The following UTRN variants were observed in gnomAD, a reference collection of about 807,000 sequenced individuals.
UTRN encodes dystrophin-related protein 1.
In UTRN, 283 loss-of-function variants were observed where a neutral mutation model predicts 463.9. That is an observed-to-expected ratio of 0.61 (90% CI 0.55 to 0.67). UTRN has a LOEUF of 0.67. UTRN is among the 30% of genes least tolerant of loss of function. UTRN has a pLI of 0.00. For synonymous variants in UTRN, 1,442 were observed against 1,431.5 expected, an observed-to-expected ratio of 1.01 and a Z score of -0.17; for missense variants, 3,922 against 4,084.3, an observed-to-expected ratio of 0.96 and a Z score of 1.08.
chr6:144,757,148 C>T (rs1476301132), intron 57 of UTRN, among the ~76,000 whole-genome samples: 1 of 147,572 alleles, frequency 6.8e-6, no homozygotes, highest in Non-Finnish European at 1.5e-5. Context: ...ACTAAATTCA[C>T]ATGTACTATT....
chr6:144,422,448 C>T (rs1349155270), intron 4 of UTRN, among the ~76,000 whole-genome samples: 1 of 152,208 alleles, frequency 6.6e-6, no homozygotes, highest in African/African-American at 2.4e-5. Context: ...GAAACCCCAT[C>T]TCTACTAAAA....
At chr6:144,373,282 G>A (rs1780166469) in intron 2 of UTRN, among the ~76,000 whole-genome samples, 1 of 152,084 alleles carries the variant, frequency 6.6e-6, no homozygotes, top group Non-Finnish European at 1.5e-5. Flanking sequence ...CCCATCAGCC[G>A]ACGAATGGAT....
At chr6:144,679,589 C>A (rs1039152705) in intron 52 of UTRN, among the ~76,000 whole-genome samples, 1 of 152,100 alleles carries the variant, frequency 6.6e-6, no homozygotes, top group Non-Finnish European at 1.5e-5. Context: ...AAATATTTAA[C>A]ACTCATGATT....
chr6:144,792,039 T>C (rs1337909271), intron 62 of UTRN, among the ~76,000 whole-genome samples: 1 of 152,228 alleles, frequency 6.6e-6, no homozygotes, highest in Admixed American at 6.5e-5. Flanking sequence ...GTCTTATTGT[T>C]TTTAATGGAA....
chr6:144,840,983 A>G, intron 73 of UTRN, 151 bp downstream of exon 73: 1 of 835,828 alleles, frequency 1.2e-6, no homozygotes, highest in South Asian at 1.9e-5. Flanking sequence ...AACATTATAT[A>G]AGAAAATGAA....
Position 144,531,093 on chromosome 6 carries a change from G to A in UTRN, c.5948G>A (p.Cys1983Tyr), listed in dbSNP as rs1416438612. ...RAMEEWRQFH[C>Y]DLNDLTQWIT... is the part of the protein sequence containing the mutation. ...ATGGAAGAATGGAGACAGTTCCATTGTGACCTTAATGACCTCACACAGTGG... is the reference window on the plus strand; with the variant it reads ...ATGGAAGAATGGAGACAGTTCCATTATGACCTTAATGACCTCACACAGTGG... The change falls in exon 42 of 75, where the codon TGT becomes TAT. Residue 1983 changes from cysteine to tyrosine, a missense_variant. Cys to Tyr is a radical substitution (Grantham distance 194). Around this residue, in one of 3 missense-constraint regions of UTRN, gnomAD observed 2,349 missense variants for 2,303.8 expected, o/e 1.02. Coordinates refer to ENST00000367545, the MANE Select transcript of UTRN (RefSeq NM_007124.3). 6.2e-7 allele frequency: 1 copy of A among 1,614,052 alleles called. No homozygotes were observed. The highest frequency in any genetic ancestry group is 8.5e-7 in the Non-Finnish European group (1 of 1,179,958).
intron 65 of UTRN, among the ~76,000 whole-genome samples, chr6:144,804,592 G>T (rs1239972946): frequency 6.6e-6 from 1 of 152,126 alleles, no homozygotes; most frequent in Non-Finnish European, 1.5e-5. Flanking sequence ...CTTGAGCAGA[G>T]GCAAGGAAGT....
intron 51 of UTRN, among the ~76,000 whole-genome samples, chr6:144,577,578 C>G (rs537892537): frequency 6.6e-6 from 1 of 152,224 alleles, no homozygotes; most frequent in Admixed American, 6.5e-5. Flanking sequence ...TTATGGTTAG[C>G]TTTATTGAAT....
intron 51 of UTRN, among the ~76,000 whole-genome samples, chr6:144,671,265 C>T (rs1239901215): frequency 6.6e-6 from 1 of 151,858 alleles, no homozygotes; most frequent in Non-Finnish European, 1.5e-5. Flanking sequence ...TCTACTCATA[C>T]ATGAGCATGG....
intron 21 of UTRN, among the ~76,000 whole-genome samples, chr6:144,459,978 C>T (rs1789245782): frequency 6.6e-6 from 1 of 151,496 alleles, no homozygotes; most frequent in Non-Finnish European, 1.5e-5. Context: ...TTGTACCTGA[C>T]CTGGATATAA....
intron 51 of UTRN, among the ~76,000 whole-genome samples, chr6:144,613,975 T>C (rs972547844): frequency 3.9e-5 from 6 of 152,258 alleles, no homozygotes; most frequent in African/African-American, 1.4e-4. Flanking sequence ...CAGATTGTCA[T>C]TGATTTCTTC....
At chr6:144,829,525 A>C (rs1780476799) in intron 69 of UTRN, among the ~76,000 whole-genome samples, 2 of 151,980 alleles carry the variant, frequency 1.3e-5, no homozygotes, top group Non-Finnish European at 2.9e-5. Context: ...GTGTACTCTT[A>C]CTTTTGGAAC....
chr6:144,574,512 G>T (rs148317649), intron 50 of UTRN, among the ~76,000 whole-genome samples: 1 of 152,048 alleles, frequency 6.6e-6, no homozygotes, highest in Non-Finnish European at 1.5e-5. Context: ...TCAGTTTTTG[G>T]CCATTACCAA....
At chr6:144,611,898 C>G (rs1350848423) in intron 51 of UTRN, among the ~76,000 whole-genome samples, 1 of 152,026 alleles carries the variant, frequency 6.6e-6, no homozygotes, top group Admixed American at 6.6e-5. Context: ...ATAGCTAAAA[C>G]AAATCTGGAG....
intron 59 of UTRN, among the ~76,000 whole-genome samples, chr6:144,773,239 A>G (rs1205097466): frequency 2.0e-5 from 3 of 152,146 alleles, no homozygotes; most frequent in Non-Finnish European, 4.4e-5. Context: ...ATCAATCAGG[A>G]TGGGAGGAGC....
intron 64 of UTRN, chr6:144,799,601 T>G: frequency 2.3e-6 from 1 of 425,950 alleles, no homozygotes; most frequent in South Asian, 1.8e-5. Context: ...GGGAAGATAA[T>G]TCAAATGAGA....
intron 51 of UTRN, among the ~76,000 whole-genome samples, chr6:144,660,709 G>A (rs906289794): frequency 2.0e-5 from 3 of 152,198 alleles, no homozygotes; most frequent in African/African-American, 7.2e-5. Flanking sequence ...GCCGTGCACT[G>A]CCCTGTACAG....
At chr6:144,445,908 C>G (rs752157428) in intron 14 of UTRN, among the ~76,000 whole-genome samples, 11 of 151,986 alleles carry the variant, frequency 7.2e-5, no homozygotes, top group Non-Finnish European at 1.6e-4. Flanking sequence ...CACCTGTAAT[C>G]CCAGCCACTC....
Position 144,748,435 on chromosome 6 carries a change from C to G in UTRN, c.8129C>G (p.Ala2710Gly). The change falls in exon 55 of 75, where the codon GCA becomes GGA. Residue 2710 changes from alanine to glycine, a missense_variant. Ala to Gly is a moderately conservative substitution (Grantham distance 60, BLOSUM62 0). Transcript: ENST00000367545. ...GACCTGGACGCTGACATGAAGGAGGCAGAGTCCGTGCGGAATGGCTGGAAG... is the reference window on the plus strand; with the variant it reads ...GACCTGGACGCTGACATGAAGGAGGGAGAGTCCGTGCGGAATGGCTGGAAG... The part of the protein sequence containing the change: ...MDDLDADMKE[A>G]ESVRNGWKPV... 6.2e-7 allele frequency: 1 copy of G among 1,613,960 alleles called. No homozygotes were observed.
Sources: gnomAD v4.1 joint callset for allele counts (sites outside exome capture counted in the v4.1 genomes callset) on GRCh38, gnomAD v4.1.1 for gene constraint, gnomAD v4.1.1 regional missense constraint, MANE v1.5 for transcripts, NCBI Gene and HGNC (gene_info 2026-07-23, HGNC 2026-07-21) for gene names.